The following SYNPR variants were observed in gnomAD, a reference collection of about 807,000 sequenced individuals.
The protein encoded by SYNPR is synaptoporin.
A neutral mutation model predicts 32.9 loss-of-function variants in SYNPR; 23 were observed. The ratio of observed to expected loss-of-function variants is 0.70; its 90% confidence interval spans 0.50 to 0.99. The LOEUF is 0.99. Among genes scored for constraint, SYNPR ranks in the 50% least tolerant of loss-of-function variants. SYNPR has a pLI of 0.00. For synonymous variants in SYNPR, 146 were observed against 135.9 expected (o/e 1.07, Z -0.52); for missense variants, 318 against 349.3 (o/e 0.91, Z 0.71).
At chr3:63,459,296 T>C (rs1030119299) in intron 2 of SYNPR, among the ~76,000 whole-genome samples, 2 of 152,112 alleles carry the variant, frequency 1.3e-5, no homozygotes, top group African/African-American at 4.8e-5. Flanking sequence ...TCTATGCCTT[T>C]ATTCACACTA....
intron 4 of SYNPR, among the ~76,000 whole-genome samples, chr3:63,562,504 C>T (rs751471536): frequency 1.3e-5 from 2 of 152,164 alleles, no homozygotes. Flanking sequence ...ACCAGGTTGA[C>T]CCAAGGCAGT....
intron 1 of SYNPR, among the ~76,000 whole-genome samples, chr3:63,252,152 T>G (rs774051648): frequency 6.6e-6 from 1 of 152,160 alleles, no homozygotes; most frequent in Non-Finnish European, 1.5e-5. Flanking sequence ...ACAATTTGAA[T>G]AATGTGTATT....
At chr3:63,385,369 A>G (rs1208788587) in intron 2 of SYNPR, among the ~76,000 whole-genome samples, 5 of 152,218 alleles carry the variant, frequency 3.3e-5, no homozygotes, top group Non-Finnish European at 4.4e-5. Context: ...TGTACTAAAA[A>G]ACATTTAAAA....
intron 2 of SYNPR, among the ~76,000 whole-genome samples, chr3:63,324,481 C>T (rs915449302): frequency 2.0e-5 from 3 of 152,032 alleles, no homozygotes; most frequent in Non-Finnish European, 4.4e-5. Flanking sequence ...AATCTGGAAT[C>T]AGCATAAGAT....
At chr3:63,316,022 T>C (rs1225580331) in intron 2 of SYNPR, among the ~76,000 whole-genome samples, 1 of 152,146 alleles carries the variant, frequency 6.6e-6, no homozygotes, top group Non-Finnish European at 1.5e-5. Flanking sequence ...TTTAATTCTG[T>C]TTATGTGGTG....
chr3:63,381,230 A>G (rs1018786707), intron 2 of SYNPR, among the ~76,000 whole-genome samples: 14 of 152,232 alleles, frequency 9.2e-5, no homozygotes, highest in Non-Finnish European at 1.3e-4. Context: ...TCAATGTACA[A>G]AAATCACAAG....
intron 1 of SYNPR, among the ~76,000 whole-genome samples, chr3:63,242,757 T>C (rs1036238568): frequency 6.6e-6 from 1 of 151,972 alleles, no homozygotes; most frequent in South Asian, 2.1e-4. Flanking sequence ...AAAGGAAGAA[T>C]TTGCACACTA....
chr3:63,535,469 C>T (rs1702186144), intron 3 of SYNPR, among the ~76,000 whole-genome samples: 1 of 152,020 alleles, frequency 6.6e-6, no homozygotes, highest in Admixed American at 6.6e-5. Flanking sequence ...ATTTTTTACC[C>T]TTGTGTCTAT....
At chr3:63,323,543 A>C (rs568241984) in intron 2 of SYNPR, among the ~76,000 whole-genome samples, 1 of 152,188 alleles carries the variant, frequency 6.6e-6, no homozygotes, top group Admixed American at 6.6e-5. Context: ...ATACTCCCCA[A>C]ATAATTTTTT....
the SYNPR span, among the ~76,000 whole-genome samples, chr3:63,222,854 G>A: frequency 6.6e-6 from 1 of 152,144 alleles, no homozygotes; most frequent in African/African-American, 2.4e-5. Context: ...GTGCCAGCAA[G>A]TGTTTGTTGT....
chr3:63,406,161 G>T (rs2088356641), intron 2 of SYNPR, among the ~76,000 whole-genome samples: 1 of 151,396 alleles, frequency 6.6e-6, no homozygotes, highest in Non-Finnish European at 1.5e-5. Flanking sequence ...ACGAGATGAG[G>T]ATAACATTCA....
At chr3:63,282,732 G>A (rs114287537) in intron 2 of SYNPR, among the ~76,000 whole-genome samples, 1,573 of 150,872 alleles carry the variant, frequency 0.01, 34 homozygotes, top group African/African-American at 0.037. Context: ...GCATTGACCT[G>A]CAGGTAAATA....
At chr3:63,453,104 A>G (rs576459550) in intron 2 of SYNPR, among the ~76,000 whole-genome samples, 1 of 152,258 alleles carries the variant, frequency 6.6e-6, no homozygotes, top group South Asian at 2.1e-4. Flanking sequence ...ATTGGAATCT[A>G]CGTTTTAATG....
chr3:63,214,023 G>A, the SYNPR span, among the ~76,000 whole-genome samples: 13 of 46,846 alleles, frequency 2.8e-4, 4 homozygotes, highest in African/African-American at 7.7e-4. Context: ...ATTGATTTGC[G>A]TATATTGAAC....
At chr3:63,483,139 A>G (rs1701078916) in intron 3 of SYNPR, among the ~76,000 whole-genome samples, 1 of 152,230 alleles carries the variant, frequency 6.6e-6, no homozygotes, top group Non-Finnish European at 1.5e-5. Context: ...ATGTTCATAT[A>G]AATACACAAA....
chr3:63,395,971 A>C (rs1241551772), intron 2 of SYNPR, among the ~76,000 whole-genome samples: 2 of 152,214 alleles, frequency 1.3e-5, no homozygotes, highest in African/African-American at 4.8e-5. Flanking sequence ...AAGAACATGG[A>C]AAGGATTCAA....
At chr3:63,482,007 C>T (rs1701058185) in intron 3 of SYNPR, among the ~76,000 whole-genome samples, 1 of 148,498 alleles carries the variant, frequency 6.7e-6, no homozygotes, top group African/African-American at 2.5e-5. Flanking sequence ...AGTCTCTAAA[C>T]ATTGAACTAC....
chr3:63,493,747 C>A lies in SYNPR; in HGVS notation c.209+12791C>A, dbSNP rs1272535452. ...AGGAGAATCACTTGAACCCAGAAGG[C>A]GGAGGTTGCAGTGAGCCAAGATCAC... is the stretch of plus-strand genomic sequence containing the variant. On this transcript the variant is annotated intron_variant, in intron 3 of 5. Coordinates refer to ENST00000478300, the MANE Select transcript of SYNPR (RefSeq NM_001130003.2). Among the ~76,000 whole-genome samples, 5 of 138,318 alleles carry A rather than the reference C, an allele frequency of 3.6e-5. No individual in the cohort carries two copies. The South Asian group carries it at 7.0e-4, about 19-fold the overall frequency. 90.7% of individuals were successfully genotyped at this position (138,318 alleles called of 152,430 possible).
intron 2 of SYNPR, among the ~76,000 whole-genome samples, chr3:63,474,547 G>A (rs6787148): frequency 0.015 from 2,260 of 152,234 alleles, 55 homozygotes; most frequent in African/African-American, 0.051. Context: ...TACCTTGGTG[G>A]CAATGGAGTT....
Sources: allele counts gnomAD v4.1 joint callset (sites outside exome capture counted in the v4.1 genomes callset), GRCh38; gene constraint gnomAD v4.1.1; transcripts MANE v1.5; gene names NCBI Gene and HGNC (gene_info 2026-07-23, HGNC 2026-07-21).